The following ZNF618 variants were observed in gnomAD, a reference collection of about 807,000 sequenced individuals.
The protein encoded by ZNF618 is zinc finger protein 618, also known as neural precursor cell expressed, developmentally down-regulated 10.
ZNF618 carries 34 observed loss-of-function variants against 103.0 expected under a neutral mutation model. The observed-to-expected ratio is 0.33, with a 90% CI of 0.25 to 0.44. ZNF618 has a LOEUF of 0.44. Ranked by LOEUF, ZNF618 falls within the 20% of genes least tolerant of loss-of-function variation. The pLI is 1.00. For missense variants in ZNF618, 1,059 were observed against 1,295.4 expected (o/e 0.82, Z 2.80); for synonymous variants, 551 against 542.2 (o/e 1.02, Z -0.23).
intron 1 of ZNF618, among the ~76,000 whole-genome samples, chr9:113,900,714 GCAAACC>G (rs1830454460): frequency 7.0e-6 from 1 of 143,316 alleles, no homozygotes; most frequent in Non-Finnish European, 1.5e-5. Context: ...GTCCTCTCCC[GCAAACC>G]CGACCTCCTG....
intron 13 of ZNF618, among the ~76,000 whole-genome samples, chr9:114,045,773 A>T (rs1590367): frequency 0.29 from 43,620 of 151,562 alleles, 7,959 homozygotes; most frequent in East Asian, 0.62. Context: ...ATGGATTTTG[A>T]TAAGGATTGT....
chr9:114,026,086 G>A (rs1307162220), intron 10 of ZNF618, among the ~76,000 whole-genome samples: 1 of 152,240 alleles, frequency 6.6e-6, no homozygotes, highest in African/African-American at 2.4e-5. Context: ...GGTCCCAGAT[G>A]GGGAGTTTTG....
intron 10 of ZNF618, among the ~76,000 whole-genome samples, chr9:114,017,415 C>T (rs1483551657): frequency 1.3e-5 from 2 of 152,152 alleles, no homozygotes; most frequent in Admixed American, 6.5e-5. Context: ...CCCACAGTGA[C>T]ATCCTCACCT....
chr9:114,041,618 T>A (rs962422427), intron 13 of ZNF618, among the ~76,000 whole-genome samples: 4 of 152,240 alleles, frequency 2.6e-5, no homozygotes, highest in African/African-American at 9.6e-5. Context: ...TTGTCAGGTT[T>A]GTCAAAGATC....
At chr9:113,896,490 A>C (rs1830052090) in intron 1 of ZNF618, among the ~76,000 whole-genome samples, 1 of 152,012 alleles carries the variant, frequency 6.6e-6, no homozygotes, top group South Asian at 2.1e-4. Flanking sequence ...AATTTATTGA[A>C]ATTTTTGGAT....
intron 12 of ZNF618, chr9:114,035,385 C>T (rs527528934): frequency 3.7e-4 from 153 of 411,734 alleles, no homozygotes; most frequent in African/African-American, 3.1e-3. Context: ...GGAGGCAGGC[C>T]GAGGTCCAGC....
At chr9:113,920,843 T>A (rs905529603) in intron 1 of ZNF618, among the ~76,000 whole-genome samples, 1 of 152,224 alleles carries the variant, frequency 6.6e-6, no homozygotes, top group Non-Finnish European at 1.5e-5. Flanking sequence ...TCAATAGGAT[T>A]TAGCATTGGA....
chr9:113,951,053 C>T (rs532306685), intron 1 of ZNF618, among the ~76,000 whole-genome samples: 6 of 149,522 alleles, frequency 4.0e-5, no homozygotes, highest in South Asian at 4.3e-4. Context: ...AAAGACCAAA[C>T]GAGCTGCAAG....
chr9:113,997,941 A>G (rs1840782597), intron 3 of ZNF618, among the ~76,000 whole-genome samples: 1 of 152,334 alleles, frequency 6.6e-6, no homozygotes, highest in East Asian at 1.9e-4. Flanking sequence ...CCCGTGGGGC[A>G]CATGTCCTTG....
rs533884396 is a variant in ZNF618, at chr9:113,988,413, T to C, written c.170T>C (p.Met57Thr). The change falls in exon 3 of 15, where the codon ATG (methionine) becomes ACG (threonine). Residue 57 changes from methionine (M) to threonine (T), a missense_variant. Physicochemically the swap from Met to Thr is moderately conservative, Grantham distance 81. Coordinates refer to ENST00000374126, the MANE Select transcript of ZNF618 (RefSeq NM_001318042.2). The stretch of plus-strand genomic sequence containing the variant: ...TCGCTGAGTGCCGAGCAAGGAACGA[T>C]GACGGAGGTGAAGGTGAAGACAGAG... Reference protein sequence around the residue: ...EASLSAEQGTMTEVKVKTELP... With the variant: ...EASLSAEQGTTTEVKVKTELP... 1 of 1,613,694 alleles carries C rather than the reference T, an allele frequency of 6.2e-7. No individual in the cohort carries two copies. Among genetic ancestry groups the C allele is most frequent in the South Asian group, 1.1e-5 (1 of 91,076 alleles).
rs1216611853 is a variant in ZNF618 at position 113,988,444 on chromosome 9, C to T, written c.201C>T (p.Pro67=). The T allele has an allele frequency of 4.3e-6, 7 of 1,613,574 alleles. No individual in the cohort carries two copies. The highest frequency in any genetic ancestry group is 3.3e-5 in the Admixed American group (2 of 60,026). ...MTEVKVKTEL[P]DDYIQEVIWQ... is the part of the protein sequence containing the mutation. ...AGGTGAAGGTGAAGACAGAGCTGCC[C>T]GATGACTACATCCAGGAGGTGATCT... The change falls in exon 3 of 15, where the codon CCC becomes CCT. Residue 67 remains proline, a synonymous_variant. Coordinates refer to ENST00000374126, the MANE Select transcript of ZNF618 (RefSeq NM_001318042.2).
At chr9:113,945,207 A>G (rs529554651) in intron 1 of ZNF618, among the ~76,000 whole-genome samples, 9 of 152,028 alleles carry the variant, frequency 5.9e-5, no homozygotes, top group Non-Finnish European at 1.0e-4. Context: ...TGTGTGGATT[A>G]TGCCCCCTTC....
At chr9:113,915,231 C>G (rs188500336) in intron 1 of ZNF618, among the ~76,000 whole-genome samples, 3 of 152,310 alleles carry the variant, frequency 2.0e-5, no homozygotes. Context: ...TTCTAGCCAC[C>G]AGCCAGGTGT....
intron 3 of ZNF618, 112 bp from the exon 4 acceptor site, chr9:113,998,147 G>A: frequency 1.1e-6 from 1 of 923,888 alleles, no homozygotes; most frequent in Non-Finnish European, 1.7e-6. Flanking sequence ...CGAAGAGGTA[G>A]GCAGTGTGAT....
chr9:114,056,039 G>A lies in ZNF618; in HGVS notation c.*5872G>A, dbSNP rs183218315. The A allele has an allele frequency of 6.6e-6, 1 of 151,750 alleles. No individual in the cohort carries two copies. The highest frequency in any genetic ancestry group is 6.6e-5 in the Admixed American group (1 of 15,178). The allele number at this position is 151,750 out of a possible 1,614,324, so 9.4% of individuals were successfully genotyped here. A position where few individuals can be genotyped will look rare whatever the true frequency, so the allele number is the denominator to read the frequency against. Reference sequence around the variant, plus strand: ...TTAATTAACAAAAGATGTTGTGTGCGGTCTCCTGTATCGGTGTGGATCCAA... The same window carrying A: ...TTAATTAACAAAAGATGTTGTGTGCAGTCTCCTGTATCGGTGTGGATCCAA... On this transcript the variant is annotated 3_prime_UTR_variant, in exon 15 of 15. Transcript: ENST00000374126.
chr9:113,967,431 A>G (rs1438073547), intron 1 of ZNF618, among the ~76,000 whole-genome samples: 1 of 151,994 alleles, frequency 6.6e-6, no homozygotes, highest in Non-Finnish European at 1.5e-5. Context: ...CCGACCTCAC[A>G]TTTCTCCCTC....
At position 114,024,672 on chromosome 9, in the gene ZNF618, A is replaced by T. The variant is rs184678180; in HGVS notation, c.845-4061A>T. Among the ~76,000 whole-genome samples, 334 of 151,486 alleles carry T rather than the reference A, an allele frequency of 2.2e-3. 1 individual carries two copies. The highest frequency in any genetic ancestry group is 3.9e-3 in the Non-Finnish European group (268 of 67,962). ...GGTCTCGCCTCTCTGGCTAGGGGGA[A>T]CTCCAAAATATCTCCTACTCTTGTG... On this transcript the variant is annotated intron_variant, in intron 10 of 14. Coordinates refer to ENST00000374126, the MANE Select transcript of ZNF618 (RefSeq NM_001318042.2).
At chr9:113,881,296 C>G (rs1233093202) in intron 1 of ZNF618, among the ~76,000 whole-genome samples, 1 of 152,158 alleles carries the variant, frequency 6.6e-6, no homozygotes, top group Non-Finnish European at 1.5e-5. Context: ...CCCAGAATTT[C>G]TGTCTTAGTC....
chr9:114,036,204 G>A (rs1467952388), intron 12 of ZNF618, 96 bp from the exon 13 acceptor site: 16 of 1,127,840 alleles, frequency 1.4e-5, no homozygotes, highest in Middle Eastern at 2.4e-4. Context: ...GACCCGGTGT[G>A]TGTTTGGGTT....
Sources: allele counts gnomAD v4.1 joint callset (sites outside exome capture counted in the v4.1 genomes callset), GRCh38; gene constraint gnomAD v4.1.1; transcripts MANE v1.5; gene names NCBI Gene and HGNC (gene_info 2026-07-23, HGNC 2026-07-21).